Variants in FARS2 observed in about 807,000 individuals in gnomAD.
FARS2 encodes the protein phenylalanyl-tRNA synthetase 2, mitochondrial.
Under a neutral mutation model 46.4 loss-of-function variants are expected in FARS2, and 40 were observed. The ratio of observed to expected loss-of-function variants is 0.86; its 90% CI spans 0.67 to 1.12. The LOEUF (loss-of-function observed/expected upper bound fraction) is 1.12, where lower values mean the gene tolerates loss of function less well. Ranked by LOEUF, FARS2 falls within the 50% of genes most tolerant of loss-of-function variation. FARS2 has a pLI of 0.00. For synonymous variants in FARS2, 234 were observed against 214.9 expected, an observed-to-expected ratio of 1.09 and a Z score of -0.78; for missense variants, 513 against 567.9, an observed-to-expected ratio of 0.90 and a Z score of 0.98.
At chr6:5,285,290 TGGAGGAGGAGTCCAG>T (rs1303694195) in intron 1 of FARS2, among the ~76,000 whole-genome samples, 1 of 151,754 alleles carries the variant, frequency 6.6e-6, no homozygotes, top group African/African-American at 2.4e-5. Flanking sequence ...AGCAATAAGC[TGGAGGAGGAGTCCAG>T]AGGGAGAAGG....
chr6:5,768,290 G>A (rs1285539317), intron 6 of FARS2, among the ~76,000 whole-genome samples: 5 of 152,130 alleles, frequency 3.3e-5, no homozygotes, highest in Non-Finnish European at 7.3e-5. Flanking sequence ...TATATTATGA[G>A]TATTTATCTC....
At chr6:5,688,185 A>C (rs1447712141) in intron 6 of FARS2, among the ~76,000 whole-genome samples, 72 of 151,540 alleles carry the variant, frequency 4.8e-4, no homozygotes, top group East Asian at 3.1e-3. Context: ...AATTGAATAC[A>C]CTTTATTTCC....
At chr6:5,631,211 A>C (rs79350705) in intron 6 of FARS2, among the ~76,000 whole-genome samples, 1 of 152,210 alleles carries the variant, frequency 6.6e-6, no homozygotes, top group Non-Finnish European at 1.5e-5. Flanking sequence ...ATTTTTTTCA[A>C]CCCAGATTGA....
At chr6:5,398,769 A>G (rs778086977) in intron 2 of FARS2, among the ~76,000 whole-genome samples, 77 of 152,260 alleles carry the variant, frequency 5.1e-4, no homozygotes, top group African/African-American at 9.4e-4. Context: ...CCAACACCAC[A>G]TGGCTCATTC....
intron 4 of FARS2, among the ~76,000 whole-genome samples, chr6:5,482,044 G>T (rs182912981): frequency 6.6e-6 from 1 of 152,152 alleles, no homozygotes; most frequent in Non-Finnish European, 1.5e-5. Context: ...GAAAGAAGCC[G>T]AGGAAACATG....
chr6:5,744,848 G>A (rs1437705825), intron 6 of FARS2, among the ~76,000 whole-genome samples: 1 of 152,146 alleles, frequency 6.6e-6, no homozygotes, highest in Non-Finnish European at 1.5e-5. Flanking sequence ...GCATAAAAAT[G>A]CATAAAAAAT....
intron 6 of FARS2, among the ~76,000 whole-genome samples, chr6:5,717,933 T>TAGAGAGAGAGAG (rs1195279552): frequency 2.3e-5 from 3 of 128,228 alleles, no homozygotes; most frequent in East Asian, 4.0e-4. Flanking sequence ...TATATATATA[T>TAGAGAGAGAGAG]ATACAGAGTC....
At chr6:5,769,917 G>C (rs776534805) in intron 6 of FARS2, among the ~76,000 whole-genome samples, 1 of 152,150 alleles carries the variant, frequency 6.6e-6, no homozygotes, top group Non-Finnish European at 1.5e-5. Context: ...GGACAAAGAT[G>C]ACCAAGCCAG....
chr6:5,678,111 G>A (rs544024142), intron 6 of FARS2, among the ~76,000 whole-genome samples: 1 of 152,250 alleles, frequency 6.6e-6, no homozygotes, highest in Admixed American at 6.5e-5. Context: ...GGGGAACTCA[G>A]TGAGAAACCT....
intron 6 of FARS2, among the ~76,000 whole-genome samples, chr6:5,722,389 AAGAT>A (rs1258663804): frequency 6.6e-6 from 1 of 152,164 alleles, no homozygotes; most frequent in African/African-American, 2.4e-5. Context: ...GTAAAGGGGG[AAGAT>A]AGATAATAAA....
intron 4 of FARS2, among the ~76,000 whole-genome samples, chr6:5,540,807 A>G (rs1462015687): frequency 1.3e-5 from 2 of 152,222 alleles, no homozygotes; most frequent in Non-Finnish European, 2.9e-5. Context: ...TCAGAGGAAG[A>G]ATCTCACAGT....
chr6:5,601,479 A>T (rs1390654910), intron 5 of FARS2, among the ~76,000 whole-genome samples: 1 of 149,348 alleles, frequency 6.7e-6, no homozygotes, highest in Non-Finnish European at 1.5e-5. Context: ...AGCCAAGATC[A>T]CACCATTGCA....
At chr6:5,584,108 G>GACACCCACACACACACACAC (rs1773483369) in intron 5 of FARS2, among the ~76,000 whole-genome samples, 1 of 122,882 alleles carries the variant, frequency 8.1e-6, no homozygotes, top group African/African-American at 3.5e-5. Flanking sequence ...TTCTCTCTCT[G>GACACCCACACACACACACAC]ACACACACAC....
chr6:5,274,718 C>CT (rs112128859), intron 1 of FARS2, among the ~76,000 whole-genome samples: 1,770 of 149,444 alleles, frequency 0.012, 40 homozygotes, highest in African/African-American at 0.039. Context: ...CTCACCATGT[C>CT]TTTTTTTTTT....
intron 4 of FARS2, among the ~76,000 whole-genome samples, chr6:5,445,102 A>G (rs897574303): frequency 6.6e-5 from 10 of 152,220 alleles, no homozygotes; most frequent in Non-Finnish European, 1.2e-4. Flanking sequence ...ATAGCACCAC[A>G]TAGAAAATTG....
At chr6:5,497,150 TC>T (rs1767519041) in intron 4 of FARS2, among the ~76,000 whole-genome samples, 1 of 152,146 alleles carries the variant, frequency 6.6e-6, no homozygotes, top group Non-Finnish European at 1.5e-5. Context: ...AAACTCCAAA[TC>T]CCTACTTATA....
At chr6:5,365,463 G>A (rs1758606546) in intron 1 of FARS2, among the ~76,000 whole-genome samples, 1 of 149,866 alleles carries the variant, frequency 6.7e-6, no homozygotes, top group African/African-American at 2.4e-5. Flanking sequence ...CCCAGTAGCT[G>A]GGACTGCAGG....
chr6:5,552,742 A>C (rs760675574), intron 5 of FARS2, among the ~76,000 whole-genome samples: 1 of 152,154 alleles, frequency 6.6e-6, no homozygotes, highest in Non-Finnish European at 1.5e-5. Context: ...TCTTTAACCA[A>C]CCTGGATCTG....
At chr6:5,706,155 C>T (rs550446047) in intron 6 of FARS2, among the ~76,000 whole-genome samples, 2 of 152,232 alleles carry the variant, frequency 1.3e-5, no homozygotes, top group East Asian at 1.9e-4. Context: ...CCCTCGCCTG[C>T]GCAGTTGACA....
Sources: allele counts gnomAD v4.1 joint callset (sites outside exome capture counted in the v4.1 genomes callset), GRCh38; gene constraint gnomAD v4.1.1; transcripts MANE v1.5; gene names NCBI Gene and HGNC (gene_info 2026-07-23, HGNC 2026-07-21).